HIRA: variants seen among roughly 807,000 people sequenced by gnomAD.
HIRA encodes histone cell cycle regulator.
In HIRA, 13 loss-of-function variants were observed where a neutral mutation model predicts 126.6. That is an observed-to-expected ratio of 0.10 (90% CI 0.07 to 0.16). HIRA has a LOEUF of 0.16. Ranked by LOEUF, HIRA falls within the 10% of genes least tolerant of loss-of-function variation. The pLI, the probability that HIRA is intolerant of heterozygous loss-of-function variation, is 1.00. For synonymous variants in HIRA, 511 were observed against 520.0 expected (o/e 0.98, Z 0.24); for missense variants, 834 against 1,314.4 (o/e 0.63, Z 5.65).
chr22:19,373,039 C>A (rs1047260985), intron 15 of HIRA, among the ~76,000 whole-genome samples: 1 of 152,108 alleles, frequency 6.6e-6, no homozygotes, highest in African/African-American at 2.4e-5. Flanking sequence ...TCCAATTTAT[C>A]GATTCCTTCC....
intron 15 of HIRA, among the ~76,000 whole-genome samples, chr22:19,365,387 A>T (rs925015221): frequency 2.0e-5 from 3 of 152,200 alleles, no homozygotes; most frequent in Non-Finnish European, 2.9e-5. Context: ...AAAGTTTCAG[A>T]AGACAGGCTG....
chr22:19,336,726 C>T (rs958145681), intron 24 of HIRA, among the ~76,000 whole-genome samples: 2 of 152,220 alleles, frequency 1.3e-5, no homozygotes, highest in South Asian at 2.1e-4. Flanking sequence ...TCTTTGCAGA[C>T]GTTCCCCAGC....
chr22:19,385,535 C>T lies in HIRA; in HGVS notation c.1315G>A (p.Glu439Lys). 1 of 1,614,044 alleles carries T rather than the reference C, an allele frequency of 6.2e-7. No individual in the cohort carries two copies. The highest frequency in any genetic ancestry group is 8.5e-7 in the Non-Finnish European group (1 of 1,180,014). ...AGGGCTCTCACCTTCCTGATATCTT[C>T]AAGACTCTCCCCGTTGACAACGCCT... is the stretch of plus-strand genomic sequence containing the variant. Reference protein sequence around the residue: ...VAGVVNGESLEDIRKNLLKKQ... With the variant: ...VAGVVNGESLKDIRKNLLKKQ... Residue 439 changes from glutamate (E) to lysine (K), a missense_variant, in exon 12 of 25, where the codon GAA (glutamate) becomes AAA (lysine). By Grantham distance (56) the Glu-to-Lys change is moderately conservative. Around this residue, in one of 5 missense-constraint regions of HIRA, gnomAD observed 153 missense variants for 270.6 expected, o/e 0.57. Transcript: ENST00000263208.
At position 19,391,483 on chromosome 22, in the gene HIRA, C is replaced by CT. The variant is rs574374874; in HGVS notation, c.936+617dup. On this transcript the variant is annotated intron_variant, in intron 9 of 24. Coordinates refer to ENST00000263208, the MANE Select transcript of HIRA (RefSeq NM_003325.4). ...ACTTTATATAAAGATTTTTCTTTTT[C>CT]TTTTTTTTTTTTTTTTGAGACGGAG... Among the ~76,000 whole-genome samples, 1,152 of 137,718 alleles carry CT rather than the reference C, an allele frequency of 8.4e-3. 8 individuals carry two copies. The highest frequency in any genetic ancestry group is 0.017 in the Admixed American group (228 of 13,810). The allele number at this position is 137,718 out of a possible 152,430, so 90.3% of individuals were successfully genotyped here.
rs1420378708 is a variant in HIRA at position 19,337,798 on chromosome 22, A to AT, written c.2938-6243dup. On this transcript the variant is annotated intron_variant, in intron 24 of 24. Coordinates refer to ENST00000263208, the MANE Select transcript of HIRA (RefSeq NM_003325.4). ...TAACCTATACACGAAAGCCTATCGG[A>AT]TTTTTTTTTTTGAGACAGAGTCTTG... is the stretch of plus-strand genomic sequence containing the variant. Among the ~76,000 whole-genome samples, 952 of 148,176 alleles carry AT rather than the reference A, an allele frequency of 6.4e-3. 16 individuals carry two copies. Among genetic ancestry groups the AT allele is most frequent in the African/African-American group, 0.021 (835 of 40,608 alleles).
intron 5 of HIRA, among the ~76,000 whole-genome samples, chr22:19,402,187 A>G (rs1323938665): frequency 6.6e-6 from 1 of 152,242 alleles, no homozygotes; most frequent in Non-Finnish European, 1.5e-5. Flanking sequence ...CTCTTTTACA[A>G]GAACAAATCT....
At chr22:19,385,845 G>A in intron 11 of HIRA, 109 bp from the exon 12 acceptor site, 1 of 1,039,656 alleles carries the variant, frequency 9.6e-7, no homozygotes, top group South Asian at 1.5e-5. Context: ...GAGTGGAGAA[G>A]GGACCCAAGG....
chr22:19,333,033 C>T lies in HIRA; in HGVS notation c.2938-1477G>A, dbSNP rs1049705802. Among the ~76,000 whole-genome samples the T allele has an allele frequency of 4.6e-5, 7 of 152,178 alleles. No individual in the cohort carries two copies. In the South Asian group the frequency reaches 6.2e-4, roughly 14 times the overall value. ...AAGTGATCCTCCTGCCTCAGTTACCCGAGTAGCTGGGACTATAGGTGTGTG... is the reference window on the plus strand; with the variant it reads ...AAGTGATCCTCCTGCCTCAGTTACCTGAGTAGCTGGGACTATAGGTGTGTG... On this transcript the variant is annotated intron_variant, in intron 24 of 24. Transcript: ENST00000263208.
intron 15 of HIRA, among the ~76,000 whole-genome samples, chr22:19,362,431 T>C (rs979946125): frequency 1.6e-4 from 25 of 152,074 alleles, no homozygotes; most frequent in African/African-American, 5.6e-4. Context: ...ACCCATGAAG[T>C]GGTATAATAT....
intron 1 of HIRA, among the ~76,000 whole-genome samples, chr22:19,423,062 C>A (rs1262901430): frequency 6.6e-6 from 1 of 152,172 alleles, no homozygotes; most frequent in Non-Finnish European, 1.5e-5. Flanking sequence ...TTCCTTCACT[C>A]CTTCAATGGT....
intron 1 of HIRA, among the ~76,000 whole-genome samples, chr22:19,424,596 C>T: frequency 6.6e-6 from 1 of 152,180 alleles, no homozygotes; most frequent in East Asian, 1.9e-4. Context: ...GGAAATGGGC[C>T]TGAAGCTCTC....
intron 24 of HIRA, among the ~76,000 whole-genome samples, chr22:19,343,380 C>A (rs2088652209): frequency 6.6e-6 from 1 of 151,438 alleles, no homozygotes; most frequent in Non-Finnish European, 1.5e-5. Flanking sequence ...AGCAAAATCC[C>A]ACCTCTACCA....
chr22:19,405,904 G>A (rs770931338), intron 4 of HIRA, 24 bp from the exon 5 acceptor site: 1 of 1,437,952 alleles, frequency 7.0e-7, no homozygotes, highest in South Asian at 1.5e-5. Context: ...GGGCCAAAAA[G>A]GCACTCATGG....
At chr22:19,343,953 CT>C (rs2088660233) in intron 24 of HIRA, among the ~76,000 whole-genome samples, 1 of 150,412 alleles carries the variant, frequency 6.6e-6, no homozygotes, top group East Asian at 2.0e-4. Context: ...CTCAAGTGAT[CT>C]TCCCACCTCA....
At chr22:19,335,600 C>A (rs2088558537) in intron 24 of HIRA, among the ~76,000 whole-genome samples, 1 of 152,142 alleles carries the variant, frequency 6.6e-6, no homozygotes, top group Non-Finnish European at 1.5e-5. Context: ...TAATTCTTAA[C>A]CCTTTGGAGG....
chr22:19,346,959 TG>T (rs1398185640), intron 24 of HIRA, among the ~76,000 whole-genome samples: 1 of 152,190 alleles, frequency 6.6e-6, no homozygotes, highest in Non-Finnish European at 1.5e-5. Context: ...GGCCATCAAA[TG>T]GTAGCCTGTT....
intron 15 of HIRA, among the ~76,000 whole-genome samples, chr22:19,366,289 G>A (rs1012024965): frequency 2.0e-5 from 3 of 151,728 alleles, no homozygotes; most frequent in African/African-American, 7.3e-5. Context: ...GTGAACCCGG[G>A]AGGTGGAGCT....
intron 5 of HIRA, among the ~76,000 whole-genome samples, chr22:19,400,454 C>T (rs9606006): frequency 0.03 from 4,600 of 152,270 alleles, 143 homozygotes; most frequent in South Asian, 0.13. Context: ...TAGCCTCTTT[C>T]AGTGTTACGA....
chr22:19,351,433 T>C lies in HIRA; in HGVS notation c.2862A>G (p.Arg954=). The part of the protein sequence containing the change: ...RYLVNEGFEY[R]LREICKDLLG... ...GTAAGTCCTTGCATATTTCTCGAAG[T>C]CGGTATTCAAACCCTAATTACAGAA... Residue 954 remains arginine (R), a synonymous_variant, in exon 24 of 25, where the codon CGA becomes CGG. Coordinates refer to ENST00000263208, the MANE Select transcript of HIRA (RefSeq NM_003325.4). The surrounding 1 kb of genome is among the most constrained non-coding windows in gnomAD (Gnocchi z 4.8). 6.2e-7 allele frequency: 1 copy of C among 1,613,438 alleles called. No individual in the cohort carries two copies.
Sources: gnomAD v4.1 joint callset for allele counts (sites outside exome capture counted in the v4.1 genomes callset) on GRCh38, gnomAD v4.1.1 for gene constraint, gnomAD v4.1.1 regional missense constraint, Gnocchi (gnomAD v3.1) non-coding constraint, MANE v1.5 for transcripts, NCBI Gene and HGNC (gene_info 2026-07-23, HGNC 2026-07-21) for gene names.